The following LTBP4 variants were observed in gnomAD, a reference collection of about 807,000 sequenced individuals.
The protein encoded by LTBP4 is latent-transforming growth factor beta-binding protein 4.
In LTBP4, 93 loss-of-function variants were observed where a neutral mutation model predicts 180.2. That is an observed-to-expected ratio of 0.52 (90% CI 0.44 to 0.61). LTBP4 has a LOEUF of 0.61. Among genes scored for constraint, LTBP4 ranks in the 20% least tolerant of loss-of-function variants. The pLI, the probability that LTBP4 is intolerant of heterozygous loss-of-function variation, is 0.00. For missense variants in LTBP4, 2,116 were observed against 2,256.5 expected, an observed-to-expected ratio of 0.94 and a Z score of 1.26; for synonymous variants, 947 against 934.5, an observed-to-expected ratio of 1.01 and a Z score of -0.24.
At chr19:40,625,291 T>A (rs1208207003) in intron 26 of LTBP4, among the ~76,000 whole-genome samples, 1 of 11,432 alleles carries the variant, frequency 8.7e-5, no homozygotes, top group African/African-American at 1.0e-3. Context: ...TATATATATA[T>A]ATATATATAT....
intron 22 of LTBP4, among the ~76,000 whole-genome samples, chr19:40,621,554 T>C (rs1371718736): frequency 6.6e-6 from 1 of 152,042 alleles, no homozygotes; most frequent in African/African-American, 2.4e-5. Flanking sequence ...GTGAAGGTGA[T>C]TGAAGCGGGT....
intron 24 of LTBP4, 83 bp from the exon 25 acceptor site, chr19:40,623,519 GCT>G: frequency 2.0e-6 from 3 of 1,490,632 alleles, no homozygotes; most frequent in Non-Finnish European, 9.0e-7. Context: ...TCTATCACCA[GCT>G]CTGTCTCTGT....
chr19:40,599,870 C>T, upstream of LTBP4: 2 of 501,930 alleles, frequency 4.0e-6, no homozygotes, highest in Non-Finnish European at 7.0e-6. Flanking sequence ...CTCTTTCTCT[C>T]CCCCAACCCC....
In LTBP4 at chr19:40,613,621, A is replaced by G. The variant is rs1599868618; in HGVS notation, c.2557+92A>G. 1.3e-6 allele frequency: 2 copies of G among 1,526,010 alleles called. No individual in the cohort carries two copies. The highest frequency in any genetic ancestry group is 1.8e-6 in the Non-Finnish European group (2 of 1,138,026). The allele number at this position is 1,526,010 out of a possible 1,614,324, so 94.5% of individuals were successfully genotyped here. On this transcript the variant is annotated intron_variant, in intron 17 of 29. Coordinates refer to ENST00000396819, the MANE Select transcript of LTBP4 (RefSeq NM_001042545.2). This position sits in a 1 kb window ranked among gnomAD's most constrained non-coding sequence, Gnocchi z 5.0. Reference sequence around the variant, plus strand: ...AGAAGAGGGCGAAAAGGGGAAAACGAGTTTTTAGCCGGGGTATTCCAGCAG... The same window carrying G: ...AGAAGAGGGCGAAAAGGGGAAAACGGGTTTTTAGCCGGGGTATTCCAGCAG...
chr19:40,623,232 T>C (rs2081599846), intron 24 of LTBP4, among the ~76,000 whole-genome samples: 1 of 149,438 alleles, frequency 6.7e-6, no homozygotes, highest in African/African-American at 2.5e-5. Flanking sequence ...TGGAGAGCAA[T>C]GGCGAGATCT....
At chr19:40,612,388 T>C (rs1452358919) in intron 15 of LTBP4, among the ~76,000 whole-genome samples, 196 bp downstream of exon 15, 1 of 152,160 alleles carries the variant, frequency 6.6e-6, no homozygotes, top group Non-Finnish European at 1.5e-5. Flanking sequence ...AACTTGACAG[T>C]AACATTTGAC....
chr19:40,619,281 G>A (rs1280490834), intron 21 of LTBP4, 66 bp from the exon 22 acceptor site: 15 of 1,521,066 alleles, frequency 9.9e-6, no homozygotes, highest in Non-Finnish European at 1.3e-5. Context: ...TGAGACTTTC[G>A]GACCTTTGGA....
chr19:40,594,229 CTG>C (rs982953697), intron 1 of LTBP4, among the ~76,000 whole-genome samples: 4 of 145,710 alleles, frequency 2.7e-5, no homozygotes, highest in Admixed American at 2.1e-4. Flanking sequence ...AGTATTAACT[CTG>C]TGTGTTTTTG....
rs1301739587 is a variant in LTBP4 at position 40,611,133 on chromosome 19, G to C, written c.1811-19G>C. 5 of 1,610,970 alleles carry C rather than the reference G, an allele frequency of 3.1e-6. No homozygotes were observed. Among genetic ancestry groups the C allele is most frequent in the Admixed American group, 3.3e-5 (2 of 59,960 alleles). ...AGGCAGAGGGGAACAAGTGACCCCG[G>C]GCCCCCTGCCCTGTGCAGATGTGGA... is the stretch of plus-strand genomic sequence containing the variant. On this transcript the variant is annotated intron_variant, in intron 12 of 29. Transcript: ENST00000396819. This position sits in a 1 kb window ranked among gnomAD's most constrained non-coding sequence, Gnocchi z 4.4.
chr19:40,617,026 T>C lies in LTBP4; in HGVS notation c.2944+6T>C. 6.2e-7 allele frequency: 1 copy of C among 1,612,908 alleles called. No homozygotes were observed. Among genetic ancestry groups the C allele is most frequent in the Non-Finnish European group, 8.5e-7 (1 of 1,178,936 alleles). ...GCCAGGGGGCGGATGCCAGGGTGGGTGTCCATCAGGCATCGGGTGAGATGT... is the reference window on the plus strand; with the variant it reads ...GCCAGGGGGCGGATGCCAGGGTGGGCGTCCATCAGGCATCGGGTGAGATGT... On this transcript the variant is annotated splice_donor_region_variant and intron_variant, in intron 20 of 29. Coordinates refer to ENST00000396819, the MANE Select transcript of LTBP4 (RefSeq NM_001042545.2).
At chr19:40,628,588 CA>C (rs1452034908) in intron 29 of LTBP4, among the ~76,000 whole-genome samples, 4 of 152,186 alleles carry the variant, frequency 2.6e-5, no homozygotes, top group African/African-American at 4.8e-5. Flanking sequence ...TGACGCTGGA[CA>C]GGTCACTGTC....
chr19:40,602,932 A>G (rs1437591367), intron 1 of LTBP4, among the ~76,000 whole-genome samples: 1 of 152,106 alleles, frequency 6.6e-6, no homozygotes, highest in Non-Finnish European at 1.5e-5. Flanking sequence ...CCATTCTGCA[A>G]TTTTGATTCC....
At position 40,608,245 on chromosome 19, in the gene LTBP4, T is replaced by C. The variant is rs1272762180; in HGVS notation, c.1182T>C (p.Ala394=). Residue 394 remains alanine (A), a synonymous_variant, in exon 8 of 30, where the codon GCT becomes GCC. Coordinates refer to ENST00000396819, the MANE Select transcript of LTBP4 (RefSeq NM_001042545.2). ...AGGGTTTCCGGGAGATCTGCCCGGC[T>C]GGTCCTGGTTACCACTACTCGGCCT... ...GSEGFREICP[A]GPGYHYSASD... 1 of 1,613,990 alleles carries C rather than the reference T, an allele frequency of 6.2e-7. No individual in the cohort carries two copies. Among genetic ancestry groups the C allele is most frequent in the Admixed American group, 1.7e-5 (1 of 60,020 alleles).
At chr19:40,600,969 C>G (rs2081419021), upstream of LTBP4, among the ~76,000 whole-genome samples, 1 of 152,210 alleles carries the variant, frequency 6.6e-6, no homozygotes, top group Non-Finnish European at 1.5e-5. This position sits in a 1 kb window ranked among gnomAD's most constrained non-coding sequence, Gnocchi z 4.4. Flanking sequence ...CAAGATGAAG[C>G]CCCTTTCTCT....
At chr19:40,599,854 C>A (rs146831875), upstream of LTBP4, 5,660 of 516,618 alleles carry the variant, frequency 0.011, 50 homozygotes, top group Middle Eastern at 0.022. Context: ...TCTCTCTGCC[C>A]CTTCTCTCTT....
In LTBP4 at chr19:40,605,108, C is replaced by G. The variant is rs1568402539; in HGVS notation, c.324C>G (p.Phe108Leu). ...KPDRCLCPPDFAGKFCQLHSS... is the reference protein window; with the variant it reads ...KPDRCLCPPDLAGKFCQLHSS... The stretch of plus-strand genomic sequence containing the variant: ...ACCGCTGCCTCTGTCCCCCGGACTT[C>G]GCTGGCAAGTTCTGCCAGTTGCACT... The change falls in exon 2 of 30, where the codon TTC becomes TTG. Residue 108 changes from phenylalanine to leucine, a missense_variant. Around this residue, in one of 5 missense-constraint regions of LTBP4, gnomAD observed 469 missense variants for 532.5 expected, o/e 0.88. Transcript: ENST00000396819. The surrounding 1 kb of genome is among the most constrained non-coding windows in gnomAD (Gnocchi z 5.5). 8 of 1,613,894 alleles carry G rather than the reference C, an allele frequency of 5.0e-6. No individual in the cohort carries two copies. Among genetic ancestry groups the G allele is most frequent in the Non-Finnish European group, 5.1e-6 (6 of 1,179,864 alleles).
rs1186505782 is a variant in LTBP4, at chr19:40,613,057, C to T, written c.2300-8C>T. 6.2e-7 allele frequency: 1 copy of T among 1,611,430 alleles called. No individual in the cohort carries two copies. Among genetic ancestry groups the T allele is most frequent in the Non-Finnish European group, 8.5e-7 (1 of 1,178,734 alleles). On this transcript the variant is annotated splice_region_variant and splice_polypyrimidine_tract_variant and intron_variant, in intron 15 of 29. Coordinates refer to ENST00000396819, the MANE Select transcript of LTBP4 (RefSeq NM_001042545.2). The surrounding 1 kb of genome is among the most constrained non-coding windows in gnomAD (Gnocchi z 5.0). ...TGGACCCTTTCTGAACACCCCCACC[C>T]CCCACAGATGTGGACGAATGCAGTT...
intron 26 of LTBP4, 39 bp downstream of exon 26, chr19:40,624,121 G>A (rs1316359807): frequency 1.3e-6 from 2 of 1,485,652 alleles, no homozygotes; most frequent in South Asian, 1.3e-5. Context: ...CCTTCCCTTG[G>A]CTCGGCCTCA....
At position 40,613,168 on chromosome 19, in the gene LTBP4, G is replaced by A. The variant is rs761658177; in HGVS notation, c.2403G>A (p.Ala801=). Residue 801 remains alanine, a synonymous_variant, in exon 16 of 30, where the codon GCG becomes GCA. Transcript: ENST00000396819. This position sits in a 1 kb window ranked among gnomAD's most constrained non-coding sequence, Gnocchi z 5.0. ...FRCSCAPGYR[A]PSGRPGPCAD... ...GCAGCTGCGCGCCAGGCTACCGGGC[G>A]CCGTCGGGTCGGCCCGGGCCCTGCG... The A allele has an allele frequency of 2.5e-6, 4 of 1,570,756 alleles. No homozygotes were observed. The highest frequency in any genetic ancestry group is 3.5e-6 in the Non-Finnish European group (4 of 1,158,898).
Sources: gnomAD v4.1 joint callset for allele counts (sites outside exome capture counted in the v4.1 genomes callset) on GRCh38, gnomAD v4.1.1 for gene constraint, gnomAD v4.1.1 regional missense constraint, Gnocchi (gnomAD v3.1) non-coding constraint, MANE v1.5 for transcripts, NCBI Gene and HGNC (gene_info 2026-07-23, HGNC 2026-07-21) for gene names.